Variants in CA10 observed in about 807,000 individuals in gnomAD.
The protein encoded by CA10 is carbonic anhydrase 10 (inactive), also known as carbonic anhydrase-related protein 10.
In CA10, 14 loss-of-function variants were observed where a neutral mutation model predicts 44.2. The ratio of observed to expected loss-of-function variants is 0.32; its 90% CI spans 0.21 to 0.50. The LOEUF is 0.50. Ranked by LOEUF, CA10 falls within the 20% of genes least tolerant of loss-of-function variation. The pLI is 0.99. For missense variants in CA10, 350 were observed against 409.7 expected (o/e 0.85, Z 1.26); for synonymous variants, 159 against 141.6 (o/e 1.12, Z -0.87).
At chr17:51,852,763 GTGT>G (rs1411449977) in intron 3 of CA10, among the ~76,000 whole-genome samples, 2 of 152,160 alleles carry the variant, frequency 1.3e-5, no homozygotes, top group African/African-American at 4.8e-5. Flanking sequence ...TCCACTCACA[GTGT>G]TGTTGTCAAG....
intron 2 of CA10, among the ~76,000 whole-genome samples, chr17:51,959,797 G>GAAAAAAAAAAAAAAAAAAAAGAAAA (rs3062037): frequency 2.2e-4 from 25 of 112,320 alleles, no homozygotes; most frequent in Non-Finnish European, 4.2e-4. Context: ...CTGCTAAGAT[G>GAAAAAAAAAAAAAAAAAAAAGAAAA]AAAAAAAAAA....
chr17:51,830,014 T>C (rs1232537995), intron 3 of CA10, among the ~76,000 whole-genome samples: 1 of 151,780 alleles, frequency 6.6e-6, no homozygotes, highest in Non-Finnish European at 1.5e-5. Flanking sequence ...CTGGCCAATA[T>C]GGTGAAACCC....
chr17:51,996,355 C>A (rs1425067212), intron 2 of CA10, among the ~76,000 whole-genome samples: 2 of 151,764 alleles, frequency 1.3e-5, no homozygotes, highest in African/African-American at 4.8e-5. Context: ...CTGTAATGAA[C>A]TAGGTCCTCC....
intron 2 of CA10, among the ~76,000 whole-genome samples, chr17:51,964,073 T>C (rs1983991136): frequency 6.6e-6 from 1 of 152,068 alleles, no homozygotes; most frequent in Non-Finnish European, 1.5e-5. Context: ...GAGAAGGTTC[T>C]ATAACACAAA....
chr17:51,759,826 C>T (rs1905172217), intron 3 of CA10, among the ~76,000 whole-genome samples: 1 of 152,090 alleles, frequency 6.6e-6, no homozygotes, highest in Admixed American at 6.5e-5. Flanking sequence ...TCTCCATCCT[C>T]CCTTCGTGCC....
intron 2 of CA10, among the ~76,000 whole-genome samples, chr17:52,019,809 C>A (rs1029396686): frequency 6.6e-6 from 1 of 151,884 alleles, no homozygotes; most frequent in African/African-American, 2.4e-5. Context: ...TTTAGAAATA[C>A]GTTGCCTAAT....
At chr17:51,907,464 A>G (rs762681808) in intron 3 of CA10, among the ~76,000 whole-genome samples, 2 of 152,078 alleles carry the variant, frequency 1.3e-5, no homozygotes, top group East Asian at 3.9e-4. Context: ...TTTTACATAT[A>G]TATGTATATA....
At chr17:51,670,747 G>A (rs1477177899) in intron 4 of CA10, among the ~76,000 whole-genome samples, 4 of 152,168 alleles carry the variant, frequency 2.6e-5, no homozygotes, top group African/African-American at 7.2e-5. Context: ...GGCTGTGTTA[G>A]CCTGTTCTGA....
intron 2 of CA10, among the ~76,000 whole-genome samples, chr17:52,039,663 C>G (rs936611700): frequency 6.6e-6 from 1 of 152,072 alleles, no homozygotes; most frequent in Admixed American, 6.5e-5. Context: ...ATTTCTTTGT[C>G]ATGGGAAGTA....
intron 2 of CA10, among the ~76,000 whole-genome samples, chr17:52,054,844 TGA>T (rs1987180816): frequency 1.3e-5 from 2 of 151,848 alleles, no homozygotes; most frequent in Middle Eastern, 3.2e-3. Flanking sequence ...CTATCCAGAA[TGA>T]GAGAGTAGGG....
chr17:51,817,792 T>C (rs921916570), intron 3 of CA10, among the ~76,000 whole-genome samples: 2 of 152,138 alleles, frequency 1.3e-5, no homozygotes, highest in Non-Finnish European at 2.9e-5. Flanking sequence ...GAAGATATGC[T>C]CACGCCCAGT....
At chr17:51,935,705 T>C (rs550661486) in intron 2 of CA10, among the ~76,000 whole-genome samples, 1 of 152,160 alleles carries the variant, frequency 6.6e-6, no homozygotes, top group Non-Finnish European at 1.5e-5. Flanking sequence ...TCAGTGACTC[T>C]GTGATTTCAA....
At chr17:51,686,088 G>A (rs573673292) in intron 4 of CA10, among the ~76,000 whole-genome samples, 27 of 151,664 alleles carry the variant, frequency 1.8e-4, no homozygotes, top group South Asian at 1.2e-3. Flanking sequence ...CATGGGTCGG[G>A]GGGGGCGTCT....
intron 2 of CA10, among the ~76,000 whole-genome samples, chr17:51,958,744 G>T (rs946033909): frequency 2.6e-5 from 4 of 152,102 alleles, no homozygotes; most frequent in Non-Finnish European, 5.9e-5. Context: ...AAATATTCAT[G>T]ATGTAAAAAC....
rs539686823 is a variant in CA10 at position 52,119,936 on chromosome 17, C to A, written c.61+37790G>T. ...ATCTCCAACTGCAGCTCAGAAGAAACAAAAGAGATGAGTAATGTAAAAATC... is the reference window on the plus strand; with the variant it reads ...ATCTCCAACTGCAGCTCAGAAGAAAAAAAAGAGATGAGTAATGTAAAAATC... On this transcript the variant is annotated intron_variant, in intron 1 of 8. Coordinates refer to ENST00000451037, the MANE Select transcript of CA10 (RefSeq NM_020178.5). Among the ~76,000 whole-genome samples the A allele has an allele frequency of 2.6e-5, 4 of 152,206 alleles. No homozygotes were observed. In the East Asian group the frequency reaches 7.7e-4, roughly 29 times the overall value.
At chr17:51,749,575 G>A (rs1179667143) in intron 3 of CA10, among the ~76,000 whole-genome samples, 3 of 152,204 alleles carry the variant, frequency 2.0e-5, no homozygotes, top group Non-Finnish European at 2.9e-5. Context: ...GGAGCTAAAT[G>A]ATTATTTAAG....
At chr17:51,722,417 C>A (rs149605854) in intron 4 of CA10, among the ~76,000 whole-genome samples, 4 of 152,300 alleles carry the variant, frequency 2.6e-5, no homozygotes, top group African/African-American at 7.2e-5. Flanking sequence ...TAAGAAGCAT[C>A]TTTTCAACAG....
intron 3 of CA10, among the ~76,000 whole-genome samples, chr17:51,784,240 G>C (rs1906173402): frequency 6.6e-6 from 1 of 152,128 alleles, no homozygotes; most frequent in Non-Finnish European, 1.5e-5. Context: ...CATGTATGTG[G>C]AGGTGACATT....
chr17:51,751,820 C>T (rs1904900925), intron 3 of CA10, among the ~76,000 whole-genome samples: 4 of 152,172 alleles, frequency 2.6e-5, no homozygotes, highest in South Asian at 2.1e-4. Flanking sequence ...TCTAGTTCTT[C>T]GATCTCACTT....
Sources: gnomAD v4.1 joint callset for allele counts (sites outside exome capture counted in the v4.1 genomes callset) on GRCh38, gnomAD v4.1.1 for gene constraint, MANE v1.5 for transcripts, NCBI Gene and HGNC (gene_info 2026-07-23, HGNC 2026-07-21) for gene names.